Variants in ZSWIM7 observed in about 807,000 individuals in gnomAD.
ZSWIM7 encodes zinc finger SWIM-type containing 7, also known as zinc finger SWIM domain-containing protein 7.
In ZSWIM7, 22 loss-of-function variants were observed where a neutral mutation model predicts 21.1. The observed-to-expected ratio is 1.04, with a 90% CI of 0.74 to 1.49. The LOEUF (loss-of-function observed/expected upper bound fraction) is 1.49, where lower values mean the gene tolerates loss of function less well. ZSWIM7 is among the 40% of genes most tolerant of loss of function. ZSWIM7 has a pLI of 0.00. For missense variants in ZSWIM7, 193 were observed against 168.0 expected, an observed-to-expected ratio of 1.15 and a Z score of -0.82; for synonymous variants, 67 against 66.5, an observed-to-expected ratio of 1.01 and a Z score of -0.04.
chr17:15,980,044 C>G (rs964208193), intron 4 of ZSWIM7, among the ~76,000 whole-genome samples: 2 of 148,440 alleles, frequency 1.3e-5, no homozygotes, highest in African/African-American at 5.0e-5. Flanking sequence ...GCTGACCCCC[C>G]CACCTCCCTC....
chr17:15,994,806 T>C (rs912245034), intron 1 of ZSWIM7, among the ~76,000 whole-genome samples: 1 of 152,092 alleles, frequency 6.6e-6, no homozygotes, highest in African/African-American at 2.4e-5. Flanking sequence ...GAAGTGGGAA[T>C]GACACTGAAA....
intron 2 of ZSWIM7, 87 bp downstream of exon 2, chr17:15,993,670 G>A (rs930895208): frequency 1.8e-6 from 2 of 1,092,352 alleles, no homozygotes; most frequent in Non-Finnish European, 2.7e-6. Flanking sequence ...CCGGTCAAGA[G>A]TATTTTTAAA....
intron 2 of ZSWIM7, among the ~76,000 whole-genome samples, chr17:15,990,301 G>A (rs927286239): frequency 1.3e-5 from 2 of 151,308 alleles, no homozygotes; most frequent in Non-Finnish European, 2.9e-5. Flanking sequence ...CTTTTTATAG[G>A]TTTTATTTTC....
At chr17:15,999,310 T>C (rs1485855297) in intron 1 of ZSWIM7, 4 of 696,166 alleles carry the variant, frequency 5.7e-6, no homozygotes, top group South Asian at 3.5e-5. Flanking sequence ...CCGTAAATAT[T>C]TGCTGAATCG....
Position 15,977,767 on chromosome 17 carries a change from A to G in ZSWIM7, c.*280T>C. The G allele has an allele frequency of 3.7e-6, 1 of 269,592 alleles. No individual in the cohort carries two copies. 16.7% of individuals were successfully genotyped at this position (269,592 alleles called of 1,614,324 possible). Reference sequence around the variant, plus strand: ...ATGATATTAGGCTTTATTTGAATTTAAAATCTTGATTCCATCCAGGGACAT... The same window carrying G: ...ATGATATTAGGCTTTATTTGAATTTGAAATCTTGATTCCATCCAGGGACAT... On this transcript the variant is annotated 3_prime_UTR_variant, in exon 5 of 5. Transcript: ENST00000399277.
chr17:15,978,834 G>A (rs2151617708), intron 4 of ZSWIM7, among the ~76,000 whole-genome samples: 1 of 152,202 alleles, frequency 6.6e-6, no homozygotes, highest in South Asian at 2.1e-4. Context: ...AACATTCCTT[G>A]AGGCACTAGG....
At chr17:15,989,303 G>A (rs1482341002) in intron 2 of ZSWIM7, among the ~76,000 whole-genome samples, 1 of 151,820 alleles carries the variant, frequency 6.6e-6, no homozygotes, top group African/African-American at 2.4e-5. Context: ...CTACAATTAT[G>A]TCAAAATTAA....
chr17:15,993,737 A>G lies in ZSWIM7; in HGVS notation c.98+20T>C. On this transcript the variant is annotated intron_variant, in intron 2 of 4. Transcript: ENST00000399277. ...ATTAATGGTTAAAAAAAAATCAAAT[A>G]CAACAGTATATGTACTTACGATAAC... The G allele has an allele frequency of 1.4e-6, 2 of 1,447,180 alleles. No homozygotes were observed. The highest frequency in any genetic ancestry group is 1.9e-6 in the Non-Finnish European group (2 of 1,050,478). The allele number at this position is 1,447,180 out of a possible 1,614,324, so 89.6% of individuals were successfully genotyped here.
At chr17:15,983,251 A>G (rs1970375954) in intron 3 of ZSWIM7, among the ~76,000 whole-genome samples, 1 of 147,152 alleles carries the variant, frequency 6.8e-6, no homozygotes, top group South Asian at 2.2e-4. Flanking sequence ...AGGCTGAGGC[A>G]GGAGAATCAC....
Position 15,987,302 on chromosome 17 carries a change from G to A in ZSWIM7, c.165C>T (p.Thr55=). ...GCCTTCCACTGGGTGATGAGATTAA[G>A]GTGATGGACTGTCGATCAACTAGGT... ...ALDLVDRQSI[T]LISSPSGRRV... The change falls in exon 3 of 5, where the codon ACC becomes ACT. Residue 55 remains threonine (T), a synonymous_variant. Coordinates refer to ENST00000399277, the MANE Select transcript of ZSWIM7 (RefSeq NM_001042697.2). 6.2e-7 allele frequency: 1 copy of A among 1,613,816 alleles called. No individual in the cohort carries two copies. Among genetic ancestry groups the A allele is most frequent in the Non-Finnish European group, 8.5e-7 (1 of 1,179,874 alleles).
intron 1 of ZSWIM7, among the ~76,000 whole-genome samples, chr17:15,994,408 C>A (rs1489485539): frequency 6.6e-6 from 1 of 152,222 alleles, no homozygotes; most frequent in East Asian, 1.9e-4. Flanking sequence ...CAAGCACCAG[C>A]CTGAGTTACA....
chr17:15,979,597 G>A (rs1293120321), intron 4 of ZSWIM7, among the ~76,000 whole-genome samples: 1 of 150,102 alleles, frequency 6.7e-6, no homozygotes, highest in Non-Finnish European at 1.5e-5. Context: ...TCCCGGACGA[G>A]GCGGCTGGCC....
chr17:15,989,631 GTTTT>G (rs1291735522), intron 2 of ZSWIM7, among the ~76,000 whole-genome samples: 2 of 151,854 alleles, frequency 1.3e-5, no homozygotes, highest in South Asian at 4.2e-4. Context: ...TTGTTTGTTT[GTTTT>G]TTGTTTTTTG....
In ZSWIM7 at chr17:15,978,253, CAGG is replaced by C. The variant is rs199993988; in HGVS notation, c.307-93_307-91del. 1,818 of 903,942 alleles carry C rather than the reference CAGG, an allele frequency of 2.0e-3. 29 individuals are homozygous for C. In the African/African-American group the frequency reaches 0.026, roughly 13 times the overall value. The allele number at this position is 903,942 out of a possible 1,614,324, so 56.0% of individuals were successfully genotyped here. A position where few individuals can be genotyped will look rare whatever the true frequency, so the allele number is the denominator to read the frequency against. On this transcript the variant is annotated intron_variant, in intron 4 of 4. Transcript: ENST00000399277. ...GATTTCTCATTACCATCTTATTTGGCAGGAGAAGACTAGAGCATACAGATTACG... is the reference window on the plus strand; with the variant it reads ...GATTTCTCATTACCATCTTATTTGGCAGAAGACTAGAGCATACAGATTACG...
intron 2 of ZSWIM7, among the ~76,000 whole-genome samples, chr17:15,988,397 T>C (rs1372300257): frequency 1.3e-5 from 2 of 152,192 alleles, no homozygotes; most frequent in Admixed American, 6.5e-5. Flanking sequence ...CATTTTATAC[T>C]ATTATAAATA....
chr17:15,982,949 A>G (rs1413689048), intron 3 of ZSWIM7, among the ~76,000 whole-genome samples: 1 of 152,146 alleles, frequency 6.6e-6, no homozygotes, highest in African/African-American at 2.4e-5. Context: ...TACCACACCC[A>G]GCCTCAGTAT....
chr17:15,977,934 A>C lies in ZSWIM7; in HGVS notation c.*113T>G. The C allele has an allele frequency of 1.1e-6, 1 of 887,044 alleles. No homozygotes were observed. The highest frequency in any genetic ancestry group is 1.8e-5 in the Admixed American group (1 of 54,560). The allele number at this position is 887,044 out of a possible 1,614,324, so 54.9% of individuals were successfully genotyped here. A position where few individuals can be genotyped will look rare whatever the true frequency, so the allele number is the denominator to read the frequency against. On this transcript the variant is annotated 3_prime_UTR_variant, in exon 5 of 5. Coordinates refer to ENST00000399277, the MANE Select transcript of ZSWIM7 (RefSeq NM_001042697.2). ...CAGTCCTGGAGGGAAAAGGGACAGT[A>C]ACATGAAGTGTCTGAAGATCCATTT...
Position 15,978,026 on chromosome 17 carries a change from A to G in ZSWIM7, c.*21T>C. The G allele has an allele frequency of 1.3e-6, 2 of 1,564,516 alleles. No homozygotes were observed. The highest frequency in any genetic ancestry group is 1.8e-6 in the Non-Finnish European group (2 of 1,135,484). The stretch of plus-strand genomic sequence containing the variant: ...CTTGACAGGATTCTATTTTGAAAGA[A>G]TGATGCTCAATCTGTACCTTTTATG... On this transcript the variant is annotated 3_prime_UTR_variant, in exon 5 of 5. Coordinates refer to ENST00000399277, the MANE Select transcript of ZSWIM7 (RefSeq NM_001042697.2).
intron 1 of ZSWIM7, among the ~76,000 whole-genome samples, chr17:15,996,311 A>C (rs1428240661): frequency 4.0e-5 from 6 of 151,786 alleles, no homozygotes; most frequent in Admixed American, 1.3e-4. Context: ...CTCAAAAAAA[A>C]CCCAAAAAAA....
Sources: gnomAD v4.1 joint callset for allele counts (sites outside exome capture counted in the v4.1 genomes callset) on GRCh38, gnomAD v4.1.1 for gene constraint, MANE v1.5 for transcripts, NCBI Gene and HGNC (gene_info 2026-07-23, HGNC 2026-07-21) for gene names.